MALRD1: variants seen among roughly 807,000 people sequenced by gnomAD.
The protein encoded by MALRD1 is MAM and LDL receptor class A domain containing 1.
In MALRD1, 247 loss-of-function variants were observed where a neutral mutation model predicts 242.1. The ratio of observed to expected loss-of-function variants is 1.02; its 90% CI spans 0.92 to 1.13. The LOEUF (loss-of-function observed/expected upper bound fraction) is 1.13, where lower values mean the gene tolerates loss of function less well. MALRD1 is among the 50% of genes most tolerant of loss of function. MALRD1 has a pLI of 0.00. For missense variants in MALRD1, 2,989 were observed against 2,533.1 expected, an observed-to-expected ratio of 1.18 and a Z score of -3.86; for synonymous variants, 995 against 866.6, an observed-to-expected ratio of 1.15 and a Z score of -2.60.
At chr10:19,686,606 T>C (rs1235122293) in intron 36 of MALRD1, among the ~76,000 whole-genome samples, 1 of 152,158 alleles carries the variant, frequency 6.6e-6, no homozygotes, top group Non-Finnish European at 1.5e-5. Context: ...TGGCCAATTA[T>C]TATTTTAGAG....
chr10:19,058,295 T>A (rs969287080), intron 1 of MALRD1, among the ~76,000 whole-genome samples: 7 of 152,176 alleles, frequency 4.6e-5, no homozygotes, highest in African/African-American at 1.7e-4. Context: ...ATACAACAAA[T>A]GAATATGAGG....
intron 28 of MALRD1, among the ~76,000 whole-genome samples, chr10:19,412,579 A>G (rs1023236800): frequency 5.3e-5 from 8 of 152,246 alleles, no homozygotes; most frequent in Non-Finnish European, 1.0e-4. Context: ...ATTAGTATTA[A>G]AACAAATGTA....
intron 21 of MALRD1, among the ~76,000 whole-genome samples, chr10:19,313,630 A>G (rs986718119): frequency 1.3e-5 from 2 of 151,626 alleles, no homozygotes; most frequent in Non-Finnish European, 3.0e-5. Context: ...ATGTACATCT[A>G]TTATGAATCA....
Position 19,209,334 on chromosome 10 carries a change from T to C in MALRD1, c.2645T>C (p.Phe882Ser), listed in dbSNP as rs1334043656. 2 of 1,550,378 alleles carry C rather than the reference T, an allele frequency of 1.3e-6. No homozygotes were observed. ...TGGGAACAAGATGCAAAAGATGACT[T>C]TGATTGGACCAGGAGCCAGGGTCCA... Reference protein sequence around the residue: ...CNWEQDAKDDFDWTRSQGPTP... With the variant: ...CNWEQDAKDDSDWTRSQGPTP... Residue 882 changes from phenylalanine to serine, a missense_variant, in exon 18 of 40, where the codon TTT becomes TCT. Coordinates refer to ENST00000454679, the MANE Select transcript of MALRD1 (RefSeq NM_001142308.3).
Position 19,238,614 on chromosome 10 carries a change from GAC to G in MALRD1, c.2992-19064_2992-19063del, listed in dbSNP as rs1421938160. On this transcript the variant is annotated intron_variant, in intron 18 of 39. Coordinates refer to ENST00000454679, the MANE Select transcript of MALRD1 (RefSeq NM_001142308.3). Reference sequence around the variant, plus strand: ...TATATAATTCACTTGTTTGTTTTTAGACACACAGGTTGATTCCATATCTGATT... The same window carrying G: ...TATATAATTCACTTGTTTGTTTTTAGACACAGGTTGATTCCATATCTGATT... Among the ~76,000 whole-genome samples, 5 of 85,264 alleles carry G rather than the reference GAC, an allele frequency of 5.9e-5. No homozygotes were observed. In the Admixed American group the frequency reaches 7.9e-4, roughly 14 times the overall value. 55.9% of individuals were successfully genotyped at this position (85,264 alleles called of 152,430 possible).
intron 1 of MALRD1, among the ~76,000 whole-genome samples, chr10:19,052,579 C>T (rs1225011176): frequency 6.6e-6 from 1 of 152,144 alleles, no homozygotes; most frequent in Non-Finnish European, 1.5e-5. Context: ...CTTCCCTTAC[C>T]CTCCTGCCTC....
Position 19,435,899 on chromosome 10 carries a change from T to C in MALRD1, c.4846-14408T>C, listed in dbSNP as rs372427116. ...CATGGGATATTTATCTATTCTCCCA[T>C]TTATTTCTTTATTCAACCATTTATT... On this transcript the variant is annotated intron_variant, in intron 28 of 39. Coordinates refer to ENST00000454679, the MANE Select transcript of MALRD1 (RefSeq NM_001142308.3). Among the ~76,000 whole-genome samples, 16 of 152,288 alleles carry C rather than the reference T, an allele frequency of 1.1e-4. No homozygotes were observed. In the East Asian group the frequency reaches 2.3e-3, roughly 22 times the overall value.
At chr10:19,380,134 C>T (rs1176413076) in intron 26 of MALRD1, among the ~76,000 whole-genome samples, 1 of 151,736 alleles carries the variant, frequency 6.6e-6, no homozygotes, top group Non-Finnish European at 1.5e-5. Context: ...ACCACCATGC[C>T]TGGCTAATTT....
intron 36 of MALRD1, among the ~76,000 whole-genome samples, chr10:19,651,423 GCA>G (rs1564516470): frequency 6.6e-6 from 1 of 152,046 alleles, no homozygotes; most frequent in Admixed American, 6.6e-5. Context: ...GTAGGCCAAT[GCA>G]TCCTACTTAC....
At chr10:19,511,506 A>C (rs1478617341) in intron 31 of MALRD1, among the ~76,000 whole-genome samples, 1 of 152,222 alleles carries the variant, frequency 6.6e-6, no homozygotes, top group Non-Finnish European at 1.5e-5. Context: ...ACAAAATGCC[A>C]AACTATTTTT....
chr10:19,447,041 A>AC (rs1835024078), intron 28 of MALRD1, among the ~76,000 whole-genome samples: 1 of 148,356 alleles, frequency 6.7e-6, no homozygotes, highest in African/African-American at 2.5e-5. Flanking sequence ...CTCTGTTAGG[A>AC]ACACACACAC....
At chr10:19,465,186 T>A (rs1836157635) in intron 29 of MALRD1, among the ~76,000 whole-genome samples, 1 of 152,102 alleles carries the variant, frequency 6.6e-6, no homozygotes, top group Non-Finnish European at 1.5e-5. Context: ...CCTTACCAAT[T>A]TAAATGCCCT....
At position 19,094,810 on chromosome 10, in the gene MALRD1, T is replaced by A. The variant is rs556184137; in HGVS notation, c.597+6625T>A. Among the ~76,000 whole-genome samples the A allele has an allele frequency of 1.2e-4, 19 of 152,334 alleles. No homozygotes were observed. The East Asian group carries it at 3.7e-3, about 29-fold the overall frequency. On this transcript the variant is annotated intron_variant, in intron 4 of 39. Transcript: ENST00000454679. ...TTATTTTCTAAAGTAATTTAGAGAA[T>A]TAAAGCCAATGCAAGCCTATAAAAC... is the stretch of plus-strand genomic sequence containing the variant.
chr10:19,315,694 A>T (rs983495949), intron 21 of MALRD1, among the ~76,000 whole-genome samples: 7 of 134,102 alleles, frequency 5.2e-5, no homozygotes, highest in African/African-American at 1.9e-4. Flanking sequence ...ATATAATTAT[A>T]TATAATACAT....
At chr10:19,683,745 T>A (rs73595890) in intron 36 of MALRD1, among the ~76,000 whole-genome samples, 203 of 152,290 alleles carry the variant, frequency 1.3e-3, no homozygotes, top group African/African-American at 4.7e-3. Context: ...TACAAATGAT[T>A]TTTTATACAT....
intron 28 of MALRD1, among the ~76,000 whole-genome samples, chr10:19,437,543 G>T (rs564941649): frequency 1.3e-5 from 2 of 151,678 alleles, no homozygotes; most frequent in Admixed American, 1.3e-4. Context: ...TCCTCAATCT[G>T]TTTCTCTCTG....
chr10:19,649,390 C>T (rs896959536), intron 36 of MALRD1, among the ~76,000 whole-genome samples: 2 of 152,200 alleles, frequency 1.3e-5, no homozygotes, highest in African/African-American at 4.8e-5. Context: ...TGCAACTTCA[C>T]CAGCATCTGT....
At chr10:19,094,720 A>G (rs1835958056) in intron 4 of MALRD1, among the ~76,000 whole-genome samples, 1 of 152,226 alleles carries the variant, frequency 6.6e-6, no homozygotes, top group South Asian at 2.1e-4. Context: ...TTAAATACTT[A>G]TTCCAAATGC....
At chr10:19,488,911 TTGGGTTATTACA>T (rs1837347872) in intron 29 of MALRD1, 1 of 361,952 alleles carries the variant, frequency 2.8e-6, no homozygotes, top group Non-Finnish European at 5.5e-6. Flanking sequence ...AAGAAGTAGT[TTGGGTTATTACA>T]TGGGTTATTA....
Sources: gnomAD v4.1 joint callset for allele counts (sites outside exome capture counted in the v4.1 genomes callset) on GRCh38, gnomAD v4.1.1 for gene constraint, MANE v1.5 for transcripts, NCBI Gene and HGNC (gene_info 2026-07-23, HGNC 2026-07-21) for gene names.